ZFR: variants seen among roughly 807,000 people sequenced by gnomAD.
ZFR encodes zinc finger RNA-binding protein.
In ZFR, 19 loss-of-function variants were observed where a neutral mutation model predicts 130.7. The ratio of observed to expected loss-of-function variants is 0.15; its 90% CI spans 0.10 to 0.21. ZFR has a LOEUF of 0.21. ZFR is among the 10% of genes least tolerant of loss of function. The pLI, the probability that ZFR is intolerant of heterozygous loss-of-function variation, is 1.00. For missense variants in ZFR, 872 were observed against 1,321.5 expected, an observed-to-expected ratio of 0.66 and a Z score of 5.27; for synonymous variants, 466 against 456.9, an observed-to-expected ratio of 1.02 and a Z score of -0.25.
At chr5:32,364,786 GGA>G (rs1752507123) in intron 17 of ZFR, 3 of 152,032 alleles carry the variant, frequency 2.0e-5, no homozygotes, top group Non-Finnish European at 2.9e-5. Flanking sequence ...CCCAATGCAG[GGA>G]GTGGTGTTTT....
intron 3 of ZFR, among the ~76,000 whole-genome samples, chr5:32,419,197 T>A (rs939226871): frequency 6.6e-6 from 1 of 152,156 alleles, no homozygotes; most frequent in Non-Finnish European, 1.5e-5. Context: ...GTTAAAACAA[T>A]AACAAACAAA....
intron 5 of ZFR, among the ~76,000 whole-genome samples, chr5:32,411,127 G>A (rs1172407165): frequency 1.1e-4 from 16 of 152,194 alleles, no homozygotes; most frequent in Admixed American, 1.0e-3. Flanking sequence ...AAGAAATCAT[G>A]GCTCCTGTGT....
At chr5:32,375,204 T>G (rs1474388437) in intron 17 of ZFR, among the ~76,000 whole-genome samples, 1 of 152,206 alleles carries the variant, frequency 6.6e-6, no homozygotes, top group Non-Finnish European at 1.5e-5. Context: ...GGAGAAAAAC[T>G]ATACATTCAT....
chr5:32,440,698 A>C (rs933698431), intron 2 of ZFR, among the ~76,000 whole-genome samples: 4 of 151,990 alleles, frequency 2.6e-5, no homozygotes, highest in Middle Eastern at 3.2e-3. Context: ...AAAATTCCAT[A>C]GTTTATGGGA....
intron 17 of ZFR, 50 bp from the exon 18 acceptor site, chr5:32,364,325 T>C (rs191031844): frequency 1.4e-6 from 2 of 1,437,844 alleles, no homozygotes; most frequent in African/African-American, 2.9e-5. Flanking sequence ...AAGGAATTAC[T>C]CATTTTCAAA....
Position 32,372,082 on chromosome 5 carries a change from A to G in ZFR, c.2835+7033T>C, listed in dbSNP as rs192954166. ...TAAAATCCATCACATTTGGAGTGCC[A>G]TAGTATATTTGATGAAGACACAGGA... On this transcript the variant is annotated intron_variant, in intron 17 of 19. Coordinates refer to ENST00000265069, the MANE Select transcript of ZFR (RefSeq NM_016107.5). Among the ~76,000 whole-genome samples the G allele has an allele frequency of 1.4e-4, 21 of 152,350 alleles. No homozygotes were observed. In the East Asian group the frequency reaches 2.9e-3, roughly 21 times the overall value.
intron 2 of ZFR, among the ~76,000 whole-genome samples, chr5:32,436,063 T>C (rs1754324389): frequency 6.6e-6 from 1 of 152,128 alleles, no homozygotes; most frequent in Non-Finnish European, 1.5e-5. Flanking sequence ...TGACCCTAAA[T>C]TCTCCTGGCT....
chr5:32,438,737 T>C (rs960354724), intron 2 of ZFR, among the ~76,000 whole-genome samples: 1 of 145,180 alleles, frequency 6.9e-6, no homozygotes, highest in Non-Finnish European at 1.5e-5. Context: ...AAACTCTCTA[T>C]ATAAATATAT....
At chr5:32,369,177 T>C (rs1752607414) in intron 17 of ZFR, among the ~76,000 whole-genome samples, 1 of 152,174 alleles carries the variant, frequency 6.6e-6, no homozygotes, top group African/African-American at 2.4e-5. Flanking sequence ...ATCTAAATGT[T>C]GAGTTAGTTC....
At chr5:32,427,947 A>T (rs1754113209) in intron 2 of ZFR, among the ~76,000 whole-genome samples, 1 of 152,200 alleles carries the variant, frequency 6.6e-6, no homozygotes. Flanking sequence ...CACCTTACAA[A>T]ATATACAAAA....
At chr5:32,365,872 T>C (rs1752529767) in intron 17 of ZFR, among the ~76,000 whole-genome samples, 1 of 152,146 alleles carries the variant, frequency 6.6e-6, no homozygotes, top group South Asian at 2.1e-4. Flanking sequence ...AGCCTTGGGA[T>C]TACAGGCATC....
At chr5:32,430,770 GA>G (rs983242249) in intron 2 of ZFR, among the ~76,000 whole-genome samples, 22 of 151,942 alleles carry the variant, frequency 1.4e-4, no homozygotes, top group Non-Finnish European at 2.5e-4. Context: ...TTAAGATGAA[GA>G]AAAAAAACCC....
chr5:32,426,254 TTTTC>T (rs781225866), intron 2 of ZFR, among the ~76,000 whole-genome samples: 60 of 152,242 alleles, frequency 3.9e-4, no homozygotes, highest in Middle Eastern at 3.4e-3. Context: ...AACATTTGTG[TTTTC>T]TTTAACAGTT....
chr5:32,434,320 A>G (rs1754286521), intron 2 of ZFR, among the ~76,000 whole-genome samples: 1 of 152,208 alleles, frequency 6.6e-6, no homozygotes, highest in South Asian at 2.1e-4. Context: ...TACAATTTCA[A>G]CATTATCATT....
At chr5:32,375,506 A>G (rs1181225819) in intron 17 of ZFR, among the ~76,000 whole-genome samples, 2 of 152,178 alleles carry the variant, frequency 1.3e-5, no homozygotes, top group Non-Finnish European at 2.9e-5. Flanking sequence ...TCATTTGTAG[A>G]TATGTCTCAA....
intron 17 of ZFR, among the ~76,000 whole-genome samples, chr5:32,372,185 T>C (rs530430787): frequency 5.9e-5 from 9 of 152,220 alleles, no homozygotes; most frequent in South Asian, 2.1e-4. Flanking sequence ...TCCAATCATA[T>C]CTCACAGGGG....
intron 19 of ZFR, among the ~76,000 whole-genome samples, chr5:32,359,489 G>A (rs1273805814): frequency 6.6e-6 from 1 of 152,070 alleles, no homozygotes; most frequent in East Asian, 1.9e-4. Context: ...AGAAGAATGT[G>A]GCATTCACTG....
chr5:32,388,423 T>G, intron 13 of ZFR, 46 bp downstream of exon 13: 1 of 1,589,178 alleles, frequency 6.3e-7, no homozygotes, highest in East Asian at 2.2e-5. Context: ...GAAGTCCACA[T>G]AAGAAAAACC....
chr5:32,421,005 GAC>G (rs1320275976), intron 2 of ZFR, among the ~76,000 whole-genome samples: 1 of 152,082 alleles, frequency 6.6e-6, no homozygotes, highest in Non-Finnish European at 1.5e-5. Flanking sequence ...ACCTCAAAGA[GAC>G]AAAAACATTT....
Sources: allele counts gnomAD v4.1 joint callset (sites outside exome capture counted in the v4.1 genomes callset), GRCh38; gene constraint gnomAD v4.1.1; transcripts MANE v1.5; gene names NCBI Gene and HGNC (gene_info 2026-07-23, HGNC 2026-07-21).